SLC30A8: variants seen among roughly 807,000 people sequenced by gnomAD.
SLC30A8 encodes the protein proton-coupled zinc antiporter SLC30A8.
In SLC30A8, 27 loss-of-function variants were observed where a neutral mutation model predicts 36.9. The ratio of observed to expected loss-of-function variants is 0.73; its 90% CI spans 0.54 to 1.01. The LOEUF (loss-of-function observed/expected upper bound fraction) is 1.01. Among genes scored for constraint, SLC30A8 ranks in the 50% least tolerant of loss-of-function variants. SLC30A8 has a pLI of 0.00. For synonymous variants in SLC30A8, 164 were observed against 172.4 expected (o/e 0.95, Z 0.38); for missense variants, 439 against 452.0 (o/e 0.97, Z 0.26).
At chr8:116,971,206 A>G (rs568479022) in intron 1 of SLC30A8, among the ~76,000 whole-genome samples, 1 of 152,330 alleles carries the variant, frequency 6.6e-6, no homozygotes, top group African/African-American at 2.4e-5. Flanking sequence ...GCAAACCACC[A>G]TGGCACGTGT....
intron 2 of SLC30A8, among the ~76,000 whole-genome samples, chr8:117,039,937 G>A (rs772560092): frequency 3.3e-5 from 5 of 151,976 alleles, no homozygotes; most frequent in Admixed American, 2.0e-4. Context: ...TCCTCCCCCC[G>A]AGCTTTCCCC....
At chr8:117,015,097 G>A (rs1018602568) in intron 1 of SLC30A8, among the ~76,000 whole-genome samples, 3 of 151,766 alleles carry the variant, frequency 2.0e-5, no homozygotes, top group Non-Finnish European at 4.4e-5. Flanking sequence ...CTGTTGAAAG[G>A]ACAAGATGTT....
intron 2 of SLC30A8, among the ~76,000 whole-genome samples, chr8:117,046,663 T>C (rs1817561411): frequency 6.6e-6 from 1 of 152,220 alleles, no homozygotes; most frequent in African/African-American, 2.4e-5. Context: ...CTTAGAGACA[T>C]AGAATCAGAA....
chr8:117,009,118 T>C (rs1377909311), intron 1 of SLC30A8, among the ~76,000 whole-genome samples: 1 of 152,216 alleles, frequency 6.6e-6, no homozygotes, highest in Non-Finnish European at 1.5e-5. Flanking sequence ...AATCCCCTGC[T>C]TAGAAAGTTG....
At chr8:117,016,545 G>A (rs1378143965) in intron 1 of SLC30A8, among the ~76,000 whole-genome samples, 1 of 152,192 alleles carries the variant, frequency 6.6e-6, no homozygotes, top group Admixed American at 6.5e-5. Flanking sequence ...GCTAACAGCT[G>A]CTAGTTTAGT....
intron 3 of SLC30A8, 69 bp from the exon 4 acceptor site, chr8:117,157,622 T>C: frequency 6.4e-7 from 1 of 1,569,676 alleles, no homozygotes; most frequent in South Asian, 1.2e-5. Context: ...GTCTTATGAC[T>C]CTTGGGGGTG....
chr8:117,162,389 A>G (rs761261596), intron 5 of SLC30A8, among the ~76,000 whole-genome samples: 11 of 152,006 alleles, frequency 7.2e-5, no homozygotes, highest in Admixed American at 6.6e-5. Flanking sequence ...AGAGCACCTG[A>G]TTTATTGTTC....
chr8:116,965,230 G>A (rs926672209), intron 1 of SLC30A8, among the ~76,000 whole-genome samples: 41 of 152,286 alleles, frequency 2.7e-4, no homozygotes, highest in African/African-American at 9.4e-4. Context: ...GAGCCACCAC[G>A]CCTGGCTGGT....
intron 2 of SLC30A8, among the ~76,000 whole-genome samples, chr8:117,054,293 G>T (rs1817800800): frequency 6.6e-6 from 1 of 151,954 alleles, no homozygotes; most frequent in Non-Finnish European, 1.5e-5. Context: ...TAGAAACAGG[G>T]TCTTGCCGTG....
intron 6 of SLC30A8, among the ~76,000 whole-genome samples, chr8:117,168,500 C>G (rs961983465): frequency 1.3e-5 from 2 of 151,928 alleles, no homozygotes; most frequent in Non-Finnish European, 1.5e-5. Flanking sequence ...TTTTCAGACT[C>G]CCCCCCAAGT....
chr8:117,067,568 G>A (rs1365992027), intron 2 of SLC30A8, among the ~76,000 whole-genome samples: 1 of 152,064 alleles, frequency 6.6e-6, no homozygotes, highest in Non-Finnish European at 1.5e-5. Context: ...CACAAGGTTA[G>A]TCCATACAAT....
intron 1 of SLC30A8, among the ~76,000 whole-genome samples, chr8:117,025,888 G>T (rs1563753796): frequency 2.0e-5 from 3 of 152,204 alleles, no homozygotes; most frequent in Non-Finnish European, 2.9e-5. Flanking sequence ...ATGGTCTCAG[G>T]ATTAAGATTA....
chr8:117,088,004 G>C (rs1299077785), intron 2 of SLC30A8, among the ~76,000 whole-genome samples: 1 of 151,824 alleles, frequency 6.6e-6, no homozygotes, highest in Non-Finnish European at 1.5e-5. Context: ...GTGTCAAGTG[G>C]GAAAGAAAGG....
intron 6 of SLC30A8, among the ~76,000 whole-genome samples, chr8:117,169,743 A>G (rs963327523): frequency 4.6e-5 from 7 of 152,036 alleles, no homozygotes; most frequent in African/African-American, 1.7e-4. Flanking sequence ...CATGATGGGA[A>G]TGGAGCAAGG....
Position 117,027,351 on chromosome 8 carries a change from C to T in SLC30A8, c.-265-11868C>T, listed in dbSNP as rs951168005. Among the ~76,000 whole-genome samples, 3 of 152,184 alleles carry T rather than the reference C, an allele frequency of 2.0e-5. No individual in the cohort carries two copies. The East Asian group carries it at 5.8e-4, about 29-fold the overall frequency. On this transcript the variant is annotated intron_variant, in intron 1 of 10. Transcript: ENST00000427715. ...AGTGAAACTCTTTCTTGCCCCAGAT[C>T]CTTGCATTTGATATTCTCTCTGCCT...
chr8:116,980,072 C>T (rs1370445994), intron 1 of SLC30A8, among the ~76,000 whole-genome samples: 3 of 152,122 alleles, frequency 2.0e-5, no homozygotes. Flanking sequence ...ATTCCTTGAT[C>T]CCTGCTCCTT....
chr8:117,169,872 G>GT (rs1330069535), intron 6 of SLC30A8, among the ~76,000 whole-genome samples: 1 of 152,032 alleles, frequency 6.6e-6, no homozygotes, highest in Non-Finnish European at 1.5e-5. Flanking sequence ...CTCCCACCAG[G>GT]CCCCATTTCC....
chr8:116,992,281 G>T (rs1255386919), intron 1 of SLC30A8, among the ~76,000 whole-genome samples: 1 of 152,112 alleles, frequency 6.6e-6, no homozygotes, highest in Non-Finnish European at 1.5e-5. Context: ...TGCAAATGAG[G>T]AGTTTTGCAA....
At chr8:117,080,019 T>A (rs1818619121) in intron 2 of SLC30A8, among the ~76,000 whole-genome samples, 1 of 152,236 alleles carries the variant, frequency 6.6e-6, no homozygotes, top group South Asian at 2.1e-4. Flanking sequence ...CTTACATCAC[T>A]ATCTTCATTT....
Sources: allele counts gnomAD v4.1 joint callset (sites outside exome capture counted in the v4.1 genomes callset), GRCh38; gene constraint gnomAD v4.1.1; transcripts MANE v1.5; gene names NCBI Gene and HGNC (gene_info 2026-07-23, HGNC 2026-07-21).